The following CFAP299 variants were observed in gnomAD, a reference collection of about 807,000 sequenced individuals.
The protein encoded by CFAP299 is cilia- and flagella-associated protein 299.
Under a neutral mutation model 27.0 loss-of-function variants are expected in CFAP299, and 21 were observed. The ratio of observed to expected loss-of-function variants is 0.78; its 90% CI spans 0.55 to 1.12. The LOEUF (loss-of-function observed/expected upper bound fraction) is 1.12, where lower values mean the gene tolerates loss of function less well. CFAP299 is among the 50% of genes most tolerant of loss of function. CFAP299 has a pLI of 0.00. For synonymous variants in CFAP299, 104 were observed against 98.1 expected (o/e 1.06, Z -0.36); for missense variants, 310 against 276.6 (o/e 1.12, Z -0.86).
chr4:80,372,946 G>C (rs774494935), intron 2 of CFAP299, among the ~76,000 whole-genome samples: 17 of 152,316 alleles, frequency 1.1e-4, no homozygotes, highest in Non-Finnish European at 1.9e-4. Flanking sequence ...TCTATCTGAA[G>C]ACACATTAGT....
At chr4:80,959,610 A>G (rs1014361374) in intron 5 of CFAP299, among the ~76,000 whole-genome samples, 1 of 152,092 alleles carries the variant, frequency 6.6e-6, no homozygotes, top group African/African-American at 2.4e-5. Flanking sequence ...AAGGCTGAGC[A>G]TCTCTTCTGA....
intron 3 of CFAP299, among the ~76,000 whole-genome samples, chr4:80,605,355 A>G (rs1737601647): frequency 6.6e-6 from 1 of 152,190 alleles, no homozygotes; most frequent in African/African-American, 2.4e-5. Flanking sequence ...GAAGGAAAAT[A>G]CCAAAATGAT....
chr4:80,869,891 A>G, intron 3 of CFAP299, 102 bp from the exon 4 acceptor site: 3 of 1,105,690 alleles, frequency 2.7e-6, no homozygotes, highest in Non-Finnish European at 3.8e-6. Flanking sequence ...CCTGCTTCCT[A>G]TGGTCACTCA....
intron 3 of CFAP299, among the ~76,000 whole-genome samples, chr4:80,735,236 T>C (rs1723783813): frequency 6.6e-6 from 1 of 152,166 alleles, no homozygotes; most frequent in South Asian, 2.1e-4. Context: ...TATTTCTTTT[T>C]CAGATTGTTC....
chr4:80,698,046 G>A (rs1308543193), intron 3 of CFAP299, among the ~76,000 whole-genome samples: 1 of 152,154 alleles, frequency 6.6e-6, no homozygotes, highest in Non-Finnish European at 1.5e-5. Flanking sequence ...ACAAAAAATT[G>A]TCAGTGTTAT....
intron 3 of CFAP299, among the ~76,000 whole-genome samples, chr4:80,593,017 A>G (rs1056190933): frequency 1.3e-5 from 2 of 152,234 alleles, no homozygotes; most frequent in African/African-American, 4.8e-5. Flanking sequence ...TTTAGATGCT[A>G]TAGCTAAAAA....
chr4:80,645,309 T>A (rs891350563), intron 3 of CFAP299, among the ~76,000 whole-genome samples: 24 of 152,170 alleles, frequency 1.6e-4, no homozygotes, highest in Non-Finnish European at 3.1e-4. Context: ...TTGAGAATCA[T>A]AGATTTTAGA....
intron 3 of CFAP299, among the ~76,000 whole-genome samples, chr4:80,744,832 AATG>A (rs912708487): frequency 1.3e-5 from 2 of 152,248 alleles, no homozygotes; most frequent in African/African-American, 4.8e-5. Flanking sequence ...TGTTATGCAA[AATG>A]ATATTTAACT....
chr4:80,551,760 T>TA (rs1734524551), intron 2 of CFAP299, among the ~76,000 whole-genome samples: 1 of 152,114 alleles, frequency 6.6e-6, no homozygotes, highest in African/African-American at 2.4e-5. Flanking sequence ...TATGATTTTT[T>TA]TTTTTTTTAA....
At chr4:80,861,822 C>T (rs1732388184) in intron 3 of CFAP299, among the ~76,000 whole-genome samples, 1 of 151,944 alleles carries the variant, frequency 6.6e-6, no homozygotes, top group Admixed American at 6.6e-5. Flanking sequence ...AGCATAAAAC[C>T]CATCTTTTCT....
At chr4:80,795,366 G>C (rs1727797860) in intron 3 of CFAP299, among the ~76,000 whole-genome samples, 1 of 152,164 alleles carries the variant, frequency 6.6e-6, no homozygotes, top group African/African-American at 2.4e-5. Flanking sequence ...ACTGCCTGAA[G>C]TTCTGCCCAC....
intron 2 of CFAP299, among the ~76,000 whole-genome samples, chr4:80,411,108 T>C (rs1369377049): frequency 6.6e-6 from 1 of 152,194 alleles, no homozygotes; most frequent in Admixed American, 6.5e-5. Context: ...TTATTTCCTT[T>C]GGCTATTTGA....
intron 2 of CFAP299, among the ~76,000 whole-genome samples, chr4:80,391,208 A>G (rs552344731): frequency 2.0e-5 from 3 of 152,226 alleles, no homozygotes; most frequent in South Asian, 2.1e-4. Context: ...TCTTTTCAAC[A>G]TGATAATTTC....
At chr4:80,942,290 G>A (rs765066588) in intron 4 of CFAP299, among the ~76,000 whole-genome samples, 9 of 152,138 alleles carry the variant, frequency 5.9e-5, no homozygotes, top group Admixed American at 2.0e-4. Context: ...GAGTACATGC[G>A]TTAGTCAGTG....
chr4:80,669,376 C>G (rs1210144300), intron 3 of CFAP299, among the ~76,000 whole-genome samples: 1 of 151,618 alleles, frequency 6.6e-6, no homozygotes, highest in Non-Finnish European at 1.5e-5. Flanking sequence ...TGGTCTCGAA[C>G]TCCTGCCCTG....
At chr4:80,321,513 C>T in the CFAP299 span, among the ~76,000 whole-genome samples, 1 of 152,018 alleles carries the variant, frequency 6.6e-6, no homozygotes, top group Non-Finnish European at 1.5e-5. Flanking sequence ...GCCACATGTC[C>T]CCCCGCCCAC....
intron 4 of CFAP299, among the ~76,000 whole-genome samples, chr4:80,905,890 A>G (rs1735158850): frequency 6.6e-6 from 1 of 152,186 alleles, no homozygotes; most frequent in Non-Finnish European, 1.5e-5. Context: ...TGGTACAGCC[A>G]AATCACATCA....
chr4:80,860,634 C>G (rs56105935), intron 3 of CFAP299, among the ~76,000 whole-genome samples: 1 of 152,312 alleles, frequency 6.6e-6, no homozygotes, highest in Admixed American at 6.5e-5. Context: ...ACAGACAGAA[C>G]CTTCAGCTGC....
intron 2 of CFAP299, among the ~76,000 whole-genome samples, chr4:80,505,776 C>T (rs1731997241): frequency 6.6e-6 from 1 of 151,776 alleles, no homozygotes; most frequent in South Asian, 2.1e-4. Flanking sequence ...TCTCATGAGC[C>T]CTCCCTTTGT....
Sources: allele counts gnomAD v4.1 joint callset (sites outside exome capture counted in the v4.1 genomes callset), GRCh38; gene constraint gnomAD v4.1.1; transcripts MANE v1.5; gene names NCBI Gene and HGNC (gene_info 2026-07-23, HGNC 2026-07-21).